CADM1: variants seen among roughly 807,000 people sequenced by gnomAD.
CADM1 encodes the protein TSLC-1.
In CADM1, 15 loss-of-function variants were observed where a neutral mutation model predicts 53.1. The ratio of observed to expected loss-of-function variants is 0.28; its 90% confidence interval spans 0.19 to 0.44. CADM1 has a LOEUF of 0.44. Among genes scored for constraint, CADM1 ranks in the 20% least tolerant of loss-of-function variants. The pLI, the probability that CADM1 is intolerant of heterozygous loss-of-function variation, is 1.00. For synonymous variants in CADM1, 281 were observed against 243.0 expected (o/e 1.16, Z -1.45); for missense variants, 434 against 611.3 (o/e 0.71, Z 3.06).
intron 7 of CADM1, among the ~76,000 whole-genome samples, chr11:115,213,775 C>T (rs944158391): frequency 5.9e-5 from 9 of 152,100 alleles, no homozygotes; most frequent in South Asian, 2.1e-4. Flanking sequence ...ATTGAAATGC[C>T]GATGCCTCTG....
intron 1 of CADM1, among the ~76,000 whole-genome samples, chr11:115,372,179 A>G (rs1946325378): frequency 6.6e-6 from 1 of 152,204 alleles, no homozygotes; most frequent in Non-Finnish European, 1.5e-5. Flanking sequence ...TACTCCATGC[A>G]AATTCATGTG....
At chr11:115,340,721 CG>C (rs1390326245) in intron 1 of CADM1, among the ~76,000 whole-genome samples, 8 of 125,954 alleles carry the variant, frequency 6.4e-5, no homozygotes, top group Non-Finnish European at 1.3e-4. Context: ...AGTGTAGTGG[CG>C]CAACTTTGGC....
chr11:115,353,239 T>C (rs549633091), intron 1 of CADM1, among the ~76,000 whole-genome samples: 1 of 152,336 alleles, frequency 6.6e-6, no homozygotes, highest in East Asian at 1.9e-4. Flanking sequence ...TTCTCTGTAA[T>C]GTACTGGTGA....
chr11:115,356,523 A>T (rs1046281860), intron 1 of CADM1, among the ~76,000 whole-genome samples: 2 of 152,110 alleles, frequency 1.3e-5, no homozygotes, highest in African/African-American at 4.8e-5. Flanking sequence ...GAATGAGTAA[A>T]TAAATAAATA....
intron 1 of CADM1, among the ~76,000 whole-genome samples, chr11:115,414,497 G>C (rs1947542294): frequency 6.6e-6 from 1 of 151,802 alleles, no homozygotes; most frequent in Non-Finnish European, 1.5e-5. Flanking sequence ...ATATAGAAGT[G>C]CAACTCTTAA....
chr11:115,458,570 T>TGGA (rs1948729544), intron 1 of CADM1, among the ~76,000 whole-genome samples: 1 of 151,178 alleles, frequency 6.6e-6, no homozygotes, highest in South Asian at 2.1e-4. Context: ...AAGCATTTTA[T>TGGA]CTTGCAAGCT....
At chr11:115,372,243 G>A (rs1946326607) in intron 1 of CADM1, among the ~76,000 whole-genome samples, 1 of 152,070 alleles carries the variant, frequency 6.6e-6, no homozygotes. Context: ...TTTATGTCTT[G>A]GCTAACAAAC....
chr11:115,244,481 G>A (rs1942344112), intron 1 of CADM1, among the ~76,000 whole-genome samples: 1 of 152,192 alleles, frequency 6.6e-6, no homozygotes, highest in African/African-American at 2.4e-5. Flanking sequence ...TTTATCCAGG[G>A]CTGGGCACTG....
rs189444716 is a variant in CADM1, at chr11:115,234,503, T to C, written c.425-3013A>G. Among the ~76,000 whole-genome samples, 497 of 152,316 alleles carry C rather than the reference T, an allele frequency of 3.3e-3. 4 individuals are homozygous for C. Among genetic ancestry groups the C allele is most frequent in the Middle Eastern group, 0.014 (4 of 294 alleles). On this transcript the variant is annotated intron_variant, in intron 3 of 11. Transcript: ENST00000331581. Reference sequence around the variant, plus strand: ...CTCTGTAACTCTTCAGAGTGAGTCCTGAACCAGTGCTAGTTCCTAGGATTA... The same window carrying C: ...CTCTGTAACTCTTCAGAGTGAGTCCCGAACCAGTGCTAGTTCCTAGGATTA...
chr11:115,468,656 A>G (rs1333292941), intron 1 of CADM1, among the ~76,000 whole-genome samples: 1 of 152,164 alleles, frequency 6.6e-6, no homozygotes, highest in Non-Finnish European at 1.5e-5. Flanking sequence ...GTTTTTAGAA[A>G]GAGAAATCAT....
At chr11:115,449,465 G>A (rs2135345149) in intron 1 of CADM1, among the ~76,000 whole-genome samples, 1 of 152,232 alleles carries the variant, frequency 6.6e-6, no homozygotes, top group South Asian at 2.1e-4. Context: ...TCAGGGCTTT[G>A]AATTACTATC....
At chr11:115,324,471 A>G (rs1944907512) in intron 1 of CADM1, among the ~76,000 whole-genome samples, 1 of 150,544 alleles carries the variant, frequency 6.6e-6, no homozygotes, top group African/African-American at 2.5e-5. Flanking sequence ...ACAGAGCCCC[A>G]ATCGGTAAGT....
At chr11:115,447,550 AGTAGAT>A in intron 1 of CADM1, among the ~76,000 whole-genome samples, 1 of 152,148 alleles carries the variant, frequency 6.6e-6, no homozygotes, top group Non-Finnish European at 1.5e-5. Flanking sequence ...AATCTTTATC[AGTAGAT>A]GGTGCTGGAG....
chr11:115,463,057 T>G (rs1340674566), intron 1 of CADM1, among the ~76,000 whole-genome samples: 1 of 152,138 alleles, frequency 6.6e-6, no homozygotes, highest in East Asian at 1.9e-4. Context: ...AGGAGTAGCT[T>G]TACTTCAGCA....
intron 7 of CADM1, among the ~76,000 whole-genome samples, chr11:115,210,702 T>C (rs1485554468): frequency 4.6e-5 from 7 of 152,232 alleles, no homozygotes; most frequent in African/African-American, 1.7e-4. Flanking sequence ...CCTTTTATCT[T>C]CAAGTGAGCT....
intron 1 of CADM1, among the ~76,000 whole-genome samples, chr11:115,322,143 T>C (rs1944840043): frequency 6.6e-6 from 1 of 152,152 alleles, no homozygotes; most frequent in Non-Finnish European, 1.5e-5. Flanking sequence ...CTTCAATTCG[T>C]GGCCATTGTT....
At chr11:115,240,802 C>T (rs1942201523) in intron 1 of CADM1, 1 of 276,328 alleles carries the variant, frequency 3.6e-6, no homozygotes, top group Non-Finnish European at 7.0e-6. Flanking sequence ...CTTACCTGCC[C>T]TTGAGCTAAG....
In CADM1 at chr11:115,206,758, C is replaced by CTTTTTTTTTTTTTTTTTT. The variant is rs56270694; in HGVS notation, c.1078+2798_1078+2815dup. 1.2e-3 allele frequency among the ~76,000 whole-genome samples: 45 copies of CTTTTTTTTTTTTTTTTTT among 38,230 alleles called. 20 individuals are homozygous for CTTTTTTTTTTTTTTTTTT. The highest frequency in any genetic ancestry group is 2.0e-3 in the African/African-American group (21 of 10,346). 25.1% of individuals were successfully genotyped at this position (38,230 alleles called of 152,430 possible). ...AAAAGAAATAGATGACTGTGGACTT[C>CTTTTTTTTTTTTTTTTTT]TTTTTTTTTTTTTTTTTTTTTTTTT... On this transcript the variant is annotated intron_variant, in intron 8 of 11. Transcript: ENST00000331581.
At chr11:115,493,509 C>A (rs1003274059) in intron 1 of CADM1, among the ~76,000 whole-genome samples, 2 of 152,120 alleles carry the variant, frequency 1.3e-5, no homozygotes, top group Non-Finnish European at 2.9e-5. Flanking sequence ...GGGCTCTTCA[C>A]AACGAAGTTT....
Sources: allele counts gnomAD v4.1 joint callset (sites outside exome capture counted in the v4.1 genomes callset), GRCh38; gene constraint gnomAD v4.1.1; transcripts MANE v1.5; gene names NCBI Gene and HGNC (gene_info 2026-07-23, HGNC 2026-07-21).